The following CNTNAP2 variants were observed in gnomAD, a reference collection of about 807,000 sequenced individuals.
CNTNAP2 encodes the protein contactin associated protein 2.
CNTNAP2 carries 98 observed loss-of-function variants against 155.2 expected under a neutral mutation model. The ratio of observed to expected loss-of-function variants is 0.63; its 90% CI spans 0.54 to 0.75. The LOEUF (loss-of-function observed/expected upper bound fraction) is 0.75, where lower values mean the gene tolerates loss of function less well. Ranked by LOEUF, CNTNAP2 falls within the 30% of genes least tolerant of loss-of-function variation. The probability of loss-of-function intolerance (pLI) is 0.00; values close to 1 mark genes in which losing one functional copy is unlikely to be tolerated. For missense variants in CNTNAP2, 1,727 were observed against 1,688.1 expected (o/e 1.02, Z -0.40); for synonymous variants, 651 against 631.2 (o/e 1.03, Z -0.47).
At chr7:147,853,815 T>A (rs766054790) in intron 13 of CNTNAP2, among the ~76,000 whole-genome samples, 5 of 152,222 alleles carry the variant, frequency 3.3e-5, no homozygotes, top group African/African-American at 4.8e-5. Context: ...AGGCATTTGC[T>A]TATATAAAGT....
At position 147,295,368 on chromosome 7, in the gene CNTNAP2, T is replaced by C. The variant is rs189009269; in HGVS notation, c.1349-4773T>C. On this transcript the variant is annotated intron_variant, in intron 8 of 23. Transcript: ENST00000361727. ...GGGTCTATATAAATAATGTATTTTGTTGTGGTTCTTGTTTATTTGTTCAAG... is the reference window on the plus strand; with the variant it reads ...GGGTCTATATAAATAATGTATTTTGCTGTGGTTCTTGTTTATTTGTTCAAG... 2.0e-5 allele frequency among the ~76,000 whole-genome samples: 3 copies of C among 152,270 alleles called. No homozygotes were observed. In the East Asian group the frequency reaches 5.8e-4, roughly 29 times the overall value.
chr7:146,207,576 T>G (rs1798965388), intron 1 of CNTNAP2, among the ~76,000 whole-genome samples: 1 of 151,782 alleles, frequency 6.6e-6, no homozygotes, highest in South Asian at 2.1e-4. Context: ...CATAACAATG[T>G]GTTAGACAAC....
chr7:146,942,712 C>A (rs1243034793), intron 3 of CNTNAP2, among the ~76,000 whole-genome samples: 1 of 152,122 alleles, frequency 6.6e-6, no homozygotes, highest in East Asian at 1.9e-4. Context: ...TGAAATACCA[C>A]AATTACCTAT....
intron 1 of CNTNAP2, among the ~76,000 whole-genome samples, chr7:146,707,537 T>C (rs1217610650): frequency 2.6e-5 from 4 of 152,126 alleles, no homozygotes; most frequent in Admixed American, 2.6e-4. Flanking sequence ...ACAGCTCTTC[T>C]TCATTCATGA....
intron 15 of CNTNAP2, among the ~76,000 whole-genome samples, chr7:148,093,575 T>C (rs1389879948): frequency 1.3e-5 from 2 of 152,194 alleles, no homozygotes; most frequent in African/African-American, 4.8e-5. Context: ...GTCAGGAAGC[T>C]GGGGCCATGG....
chr7:148,380,632 TTC>T (rs777366437), intron 21 of CNTNAP2, among the ~76,000 whole-genome samples: 33 of 71,002 alleles, frequency 4.6e-4, no homozygotes, highest in African/African-American at 8.4e-4. Flanking sequence ...AATATTTGAC[TTC>T]TTTTTTTTTT....
In CNTNAP2 at chr7:146,826,857, T is replaced by TAGAGAG. The variant is rs1554485885; in HGVS notation, c.209-12836_209-12831dup. 1.8e-3 allele frequency among the ~76,000 whole-genome samples: 245 copies of TAGAGAG among 138,964 alleles called. 1 individual carries two copies. Among genetic ancestry groups the TAGAGAG allele is most frequent in the African/African-American group, 6.0e-3 (222 of 37,058 alleles). 91.2% of individuals were successfully genotyped at this position (138,964 alleles called of 152,430 possible). A position where few individuals can be genotyped will look rare whatever the true frequency, so the allele number is the denominator to read the frequency against. On this transcript the variant is annotated intron_variant, in intron 2 of 23. Coordinates refer to ENST00000361727, the MANE Select transcript of CNTNAP2 (RefSeq NM_014141.6). ...ATATGTATATATATATATATATATA[T>TAGAGAG]AGAGAGAGAGAGAGAGAGAGAGACT...
chr7:147,090,876 A>G (rs536638077), intron 4 of CNTNAP2, among the ~76,000 whole-genome samples: 1 of 152,210 alleles, frequency 6.6e-6, no homozygotes, highest in Non-Finnish European at 1.5e-5. Flanking sequence ...TTAAAATTGC[A>G]TTTGAAATAG....
intron 18 of CNTNAP2, among the ~76,000 whole-genome samples, chr7:148,179,193 C>T (rs1261534560): frequency 2.0e-5 from 3 of 152,128 alleles, no homozygotes; most frequent in Non-Finnish European, 4.4e-5. Flanking sequence ...CCCTTCCTGA[C>T]TCAAGGCCCA....
At chr7:148,235,737 GTGCAGCGGCACGA>G (rs1318666699) in intron 20 of CNTNAP2, among the ~76,000 whole-genome samples, 8 of 148,748 alleles carry the variant, frequency 5.4e-5, no homozygotes, top group Non-Finnish European at 1.0e-4. Context: ...CCAGGCTGGA[GTGCAGCGGCACGA>G]TCTTGGCTCA....
intron 21 of CNTNAP2, among the ~76,000 whole-genome samples, chr7:148,304,377 A>G (rs1263500794): frequency 6.6e-6 from 1 of 152,210 alleles, no homozygotes. Context: ...TAAAGTGTCA[A>G]ATAGTTCTAT....
intron 9 of CNTNAP2, among the ~76,000 whole-genome samples, chr7:147,368,063 CTCTT>C (rs60067817): frequency 0.19 from 18,070 of 95,546 alleles, 2,160 homozygotes; most frequent in African/African-American, 0.28. Flanking sequence ...CCCTTCCTCT[CTCTT>C]TCTCTCCCTC....
Position 148,116,972 on chromosome 7 carries a change from T to A in CNTNAP2, c.2384-1146T>A, listed in dbSNP as rs530354801. 2.8e-4 allele frequency among the ~76,000 whole-genome samples: 42 copies of A among 152,336 alleles called. No individual in the cohort carries two copies. In the South Asian group the frequency reaches 8.5e-3, roughly 31 times the overall value. ...TTTAAATCACACCCATATATTTTAG[T>A]CTTTAGCTGTGACAGTAAGTGTACT... On this transcript the variant is annotated intron_variant, in intron 15 of 23. Coordinates refer to ENST00000361727, the MANE Select transcript of CNTNAP2 (RefSeq NM_014141.6).
chr7:148,123,097 G>A (rs988677517), intron 16 of CNTNAP2, among the ~76,000 whole-genome samples: 2 of 152,120 alleles, frequency 1.3e-5, no homozygotes, highest in Admixed American at 6.5e-5. Context: ...TAATCAAGTG[G>A]ACACATCTAG....
intron 1 of CNTNAP2, among the ~76,000 whole-genome samples, chr7:146,729,012 C>T (rs766437816): frequency 2.0e-5 from 3 of 152,196 alleles, no homozygotes; most frequent in Non-Finnish European, 2.9e-5. Context: ...TGTTGAATAC[C>T]ATTCATTTCA....
chr7:146,838,928 C>A (rs963100334), intron 2 of CNTNAP2, among the ~76,000 whole-genome samples: 1 of 152,108 alleles, frequency 6.6e-6, no homozygotes, highest in Non-Finnish European at 1.5e-5. Context: ...GCCATATTTT[C>A]TGTAACTTAT....
intron 15 of CNTNAP2, among the ~76,000 whole-genome samples, chr7:148,112,089 C>T (rs1804364734): frequency 6.6e-6 from 1 of 152,056 alleles, no homozygotes; most frequent in South Asian, 2.1e-4. Flanking sequence ...GAAGATGCCT[C>T]CAGGGGACAA....
chr7:146,481,098 G>A (rs1334400407), intron 1 of CNTNAP2, among the ~76,000 whole-genome samples: 2 of 152,052 alleles, frequency 1.3e-5, no homozygotes, highest in African/African-American at 4.8e-5. Context: ...CCAGCCAGTA[G>A]TAAATGGTTT....
intron 13 of CNTNAP2, among the ~76,000 whole-genome samples, chr7:147,666,230 C>A (rs1795694202): frequency 6.6e-6 from 1 of 152,120 alleles, no homozygotes; most frequent in Non-Finnish European, 1.5e-5. Flanking sequence ...TAGACCTTTC[C>A]TTTGTTTGTG....
Sources: allele counts gnomAD v4.1 joint callset (sites outside exome capture counted in the v4.1 genomes callset), GRCh38; gene constraint gnomAD v4.1.1; transcripts MANE v1.5; gene names NCBI Gene and HGNC (gene_info 2026-07-23, HGNC 2026-07-21).